Variants in FAM240B observed in about 807,000 individuals in gnomAD.
The protein encoded by FAM240B is family with sequence similarity 240 member B, also known as protein FAM240B.
intron 2 of FAM240B, 94 bp downstream of exon 2, chr9:38,703,763 G>A (rs943943624): frequency 2.5e-6 from 1 of 397,634 alleles, no homozygotes; most frequent in African/African-American, 2.1e-5. Context: ...TACAGCAGTG[G>A]GTACCAAAGA....
At chr9:38,715,686 A>G (rs1190003733) in intron 1 of FAM240B, among the ~76,000 whole-genome samples, 1 of 152,260 alleles carries the variant, frequency 6.6e-6, no homozygotes, top group African/African-American at 2.4e-5. Context: ...ATGATAATTT[A>G]CAGACATTTC....
At chr9:38,699,578 G>A (rs10973982) in intron 2 of FAM240B, among the ~76,000 whole-genome samples, 5,163 of 152,274 alleles carry the variant, frequency 0.034, 269 homozygotes, top group African/African-American at 0.12. Context: ...GCTGCCCACA[G>A]GGGAGCCATG....
At chr9:38,712,462 G>A (rs1386580437) in intron 1 of FAM240B, among the ~76,000 whole-genome samples, 1 of 152,196 alleles carries the variant, frequency 6.6e-6, no homozygotes, top group East Asian at 1.9e-4. Flanking sequence ...AACCTGCATT[G>A]CAGACAGTAC....
chr9:38,711,659 CTTTTTTTT>C (rs71365908), intron 1 of FAM240B, among the ~76,000 whole-genome samples: 1 of 138,988 alleles, frequency 7.2e-6, no homozygotes, highest in Non-Finnish European at 1.6e-5. Context: ...CTTTCTTCTT[CTTTTTTTT>C]TTTTTTTTTG....
intron 1 of FAM240B, among the ~76,000 whole-genome samples, chr9:38,711,659 C>CTT (rs71365908): frequency 7.2e-6 from 1 of 139,028 alleles, no homozygotes; most frequent in East Asian, 2.1e-4. Flanking sequence ...CTTTCTTCTT[C>CTT]TTTTTTTTTT....
At chr9:38,719,950 T>G (rs1564003031) in intron 1 of FAM240B, 72 bp downstream of exon 1, 1 of 152,178 alleles carries the variant, frequency 6.6e-6, no homozygotes, top group Non-Finnish European at 1.5e-5. Flanking sequence ...TAAGGGGTGA[T>G]GTCTGTTTCA....
chr9:38,696,244 C>T (rs535894135), intron 2 of FAM240B, among the ~76,000 whole-genome samples: 74 of 152,198 alleles, frequency 4.9e-4, no homozygotes, highest in African/African-American at 1.3e-3. Context: ...TTATAAATAA[C>T]GCCACAACGA....
intron 1 of FAM240B, among the ~76,000 whole-genome samples, chr9:38,709,977 TTTG>T (rs1383988601): frequency 3.3e-5 from 5 of 152,162 alleles, no homozygotes; most frequent in African/African-American, 1.2e-4. Context: ...TTGATGTCTT[TTTG>T]TTGTTGTTGA....
chr9:38,701,628 G>C (rs1188088207), intron 2 of FAM240B, among the ~76,000 whole-genome samples: 1 of 152,202 alleles, frequency 6.6e-6, no homozygotes, highest in Non-Finnish European at 1.5e-5. Flanking sequence ...TCCTGGTTCT[G>C]AGTCCTGTGG....
intron 2 of FAM240B, among the ~76,000 whole-genome samples, chr9:38,696,026 T>C (rs2118996452): frequency 6.6e-6 from 1 of 152,306 alleles, no homozygotes; most frequent in East Asian, 1.9e-4. Context: ...AGTCTGAACG[T>C]GTGTGTTTCC....
intron 1 of FAM240B, among the ~76,000 whole-genome samples, chr9:38,706,524 G>A (rs1821191824): frequency 6.6e-6 from 1 of 152,110 alleles, no homozygotes; most frequent in Admixed American, 6.5e-5. Context: ...AGCATTTAAT[G>A]GGTGTTCAGT....
At chr9:38,698,103 A>G (rs1162462974) in intron 2 of FAM240B, among the ~76,000 whole-genome samples, 1 of 152,230 alleles carries the variant, frequency 6.6e-6, no homozygotes, top group Admixed American at 6.5e-5. Context: ...AAAGCCAAAA[A>G]TATTTACTGA....
At chr9:38,714,193 G>T (rs1334049807) in intron 1 of FAM240B, among the ~76,000 whole-genome samples, 1 of 152,126 alleles carries the variant, frequency 6.6e-6, no homozygotes, top group Non-Finnish European at 1.5e-5. Flanking sequence ...ATAAACAAAT[G>T]GAGGAGAAAA....
chr9:38,701,901 T>C (rs898499125), intron 2 of FAM240B, among the ~76,000 whole-genome samples: 5 of 137,616 alleles, frequency 3.6e-5, no homozygotes, highest in Admixed American at 7.1e-5. Context: ...TTGGAAAAAA[T>C]AGGAGAACAC....
In FAM240B at chr9:38,703,990, G is replaced by A. The variant is rs1376257985; in HGVS notation, c.10C>T (p.Gln4Ter). The change falls in exon 2 of 3, where the codon CAA (glutamine) becomes TAA (stop). Residue 4 changes from glutamine (Q) to a stop codon, truncating the protein, a stop_gained. Coordinates refer to ENST00000637493, the MANE Select transcript of FAM240B (RefSeq NM_001394922.1). LOFTEE classifies it high-confidence loss of function. ...CAGAAGACTTCTCGACGGATGTATT[G>A]ATTGTTCATCCCCTGAAATATACAA... MNN[Q>*]YIRREVFCCG... The A allele has an allele frequency of 2.5e-6, 1 of 396,018 alleles. No homozygotes were observed. The highest frequency in any genetic ancestry group is 2.1e-5 in the African/African-American group (1 of 48,462). 24.5% of individuals were successfully genotyped at this position (396,018 alleles called of 1,614,324 possible).
chr9:38,700,341 G>GGTCTTGGGGTGAGGC (rs1458763913), intron 2 of FAM240B, among the ~76,000 whole-genome samples: 31 of 152,276 alleles, frequency 2.0e-4, no homozygotes, highest in African/African-American at 7.0e-4. Context: ...AGAGGTGAGT[G>GGTCTTGGGGTGAGGC]GTCTTGGGGT....
At chr9:38,716,831 T>A (rs1460478194) in intron 1 of FAM240B, among the ~76,000 whole-genome samples, 1 of 152,200 alleles carries the variant, frequency 6.6e-6, no homozygotes, top group Non-Finnish European at 1.5e-5. Flanking sequence ...CCAAAATAGC[T>A]GCGTTTTCAG....
chr9:38,719,353 C>A (rs1009170141), intron 1 of FAM240B, among the ~76,000 whole-genome samples: 6 of 152,134 alleles, frequency 3.9e-5, no homozygotes, highest in African/African-American at 1.2e-4. Flanking sequence ...ATTCCAACAG[C>A]AGTTCTTAAG....
chr9:38,708,799 C>T (rs943729840), intron 1 of FAM240B, among the ~76,000 whole-genome samples: 16 of 152,270 alleles, frequency 1.1e-4, no homozygotes, highest in Admixed American at 3.9e-4. Context: ...AATACAGTCT[C>T]CTTGTCTTTA....
Sources: allele counts gnomAD v4.1 joint callset (sites outside exome capture counted in the v4.1 genomes callset), GRCh38; gene constraint gnomAD v4.1.1; transcripts MANE v1.5; gene names NCBI Gene and HGNC (gene_info 2026-07-23, HGNC 2026-07-21).